NXPH2: variants seen among roughly 807,000 people sequenced by gnomAD.
NXPH2 encodes the protein neurexophilin-2.
NXPH2 carries 5 observed loss-of-function variants against 19.8 expected under a neutral mutation model. The observed-to-expected ratio is 0.25, with a 90% CI of 0.13 to 0.53. The LOEUF is 0.53. NXPH2 is among the 20% of genes least tolerant of loss of function. NXPH2 has a pLI of 0.96. For synonymous variants in NXPH2, 154 were observed against 127.4 expected, an observed-to-expected ratio of 1.21 and a Z score of -1.41; for missense variants, 289 against 322.8, an observed-to-expected ratio of 0.90 and a Z score of 0.80.
chr2:138,753,231 T>C (rs1301292755), intron 1 of NXPH2, among the ~76,000 whole-genome samples: 1 of 152,206 alleles, frequency 6.6e-6, no homozygotes. Context: ...GGTTATAATC[T>C]AATGTTAATT....
At chr2:138,692,855 CT>C (rs1178063768) in intron 1 of NXPH2, among the ~76,000 whole-genome samples, 1 of 152,182 alleles carries the variant, frequency 6.6e-6, no homozygotes, top group African/African-American at 2.4e-5. Context: ...CAATTCATCA[CT>C]AATTCTTATA....
At chr2:138,724,238 G>A (rs1681322845) in intron 1 of NXPH2, among the ~76,000 whole-genome samples, 1 of 152,184 alleles carries the variant, frequency 6.6e-6, no homozygotes, top group Non-Finnish European at 1.5e-5. Context: ...CCATGTCCAT[G>A]CAAAGGCATG....
intron 1 of NXPH2, among the ~76,000 whole-genome samples, chr2:138,714,261 G>C (rs887669438): frequency 2.0e-5 from 3 of 152,128 alleles, no homozygotes; most frequent in African/African-American, 7.2e-5. Flanking sequence ...CTCAGCATAA[G>C]ATCCCTACAA....
At chr2:138,771,680 C>T (rs1305951696) in intron 1 of NXPH2, among the ~76,000 whole-genome samples, 1 of 152,140 alleles carries the variant, frequency 6.6e-6, no homozygotes, top group African/African-American at 2.4e-5. Flanking sequence ...TAGCTTCAGC[C>T]TGCTCCTGCA....
intron 1 of NXPH2, among the ~76,000 whole-genome samples, chr2:138,727,656 C>CG (rs1465946958): frequency 3.5e-5 from 4 of 113,026 alleles, no homozygotes; most frequent in South Asian, 2.8e-4. Context: ...TTTATCGGTG[C>CG]GGGGGGCGGT....
At chr2:138,717,501 T>C (rs1053989614) in intron 1 of NXPH2, among the ~76,000 whole-genome samples, 4 of 151,626 alleles carry the variant, frequency 2.6e-5, no homozygotes, top group South Asian at 4.2e-4. Flanking sequence ...CTTCTTGCTC[T>C]ATCCTCACAT....
At chr2:138,757,272 G>A (rs1681924748) in intron 1 of NXPH2, among the ~76,000 whole-genome samples, 1 of 152,172 alleles carries the variant, frequency 6.6e-6, no homozygotes, top group South Asian at 2.1e-4. Context: ...TCTATGCTGG[G>A]TTAGATGGGC....
chr2:138,691,997 G>A (rs145177254), intron 1 of NXPH2, among the ~76,000 whole-genome samples: 228 of 152,302 alleles, frequency 1.5e-3, no homozygotes, highest in African/African-American at 5.1e-3. Flanking sequence ...AATATAGAGG[G>A]TGTGTGTAAC....
At chr2:138,707,445 G>C (rs1332951786) in intron 1 of NXPH2, among the ~76,000 whole-genome samples, 1 of 152,000 alleles carries the variant, frequency 6.6e-6, no homozygotes, top group African/African-American at 2.4e-5. Context: ...GGCCTGATCT[G>C]GGGGGGAGAA....
intron 1 of NXPH2, among the ~76,000 whole-genome samples, chr2:138,703,553 G>A (rs1269152063): frequency 1.3e-5 from 2 of 152,132 alleles, no homozygotes; most frequent in African/African-American, 4.8e-5. Context: ...GGAGAGGTTC[G>A]CATATTACTA....
chr2:138,756,301 G>A (rs1274276460), intron 1 of NXPH2, among the ~76,000 whole-genome samples: 1 of 152,000 alleles, frequency 6.6e-6, no homozygotes, highest in African/African-American at 2.4e-5. Flanking sequence ...GCCAAGATAT[G>A]TTTCCCTCAG....
chr2:138,773,504 C>G (rs962604320), intron 1 of NXPH2, among the ~76,000 whole-genome samples: 1 of 152,110 alleles, frequency 6.6e-6, no homozygotes, highest in Admixed American at 6.5e-5. Context: ...CTTTCAGTAG[C>G]TGTCTACACA....
chr2:138,765,803 T>A (rs1196992739), intron 1 of NXPH2, among the ~76,000 whole-genome samples: 1 of 152,228 alleles, frequency 6.6e-6, no homozygotes, highest in African/African-American at 2.4e-5. Context: ...CCTACTATAT[T>A]TTAATTGTAA....
chr2:138,696,114 G>A (rs1680825702), intron 1 of NXPH2, among the ~76,000 whole-genome samples: 1 of 152,144 alleles, frequency 6.6e-6, no homozygotes, highest in African/African-American at 2.4e-5. Flanking sequence ...AGTGTTGAAG[G>A]TTGGGAAAGT....
chr2:138,694,245 G>A (rs539439023), intron 1 of NXPH2, among the ~76,000 whole-genome samples: 43 of 152,194 alleles, frequency 2.8e-4, no homozygotes, highest in African/African-American at 9.6e-4. Flanking sequence ...AGGAACTGTT[G>A]TTTACACAAA....
At chr2:138,686,141 T>C (rs1490331470) in intron 1 of NXPH2, among the ~76,000 whole-genome samples, 1 of 152,188 alleles carries the variant, frequency 6.6e-6, no homozygotes, top group Admixed American at 6.5e-5. Context: ...AATAAAGCAG[T>C]CAACCAGGAA....
intron 1 of NXPH2, among the ~76,000 whole-genome samples, chr2:138,711,060 C>T (rs1308229582): frequency 6.6e-6 from 1 of 151,446 alleles, no homozygotes; most frequent in African/African-American, 2.4e-5. Context: ...TATCGCTGCA[C>T]CATTCTATTT....
intron 1 of NXPH2, among the ~76,000 whole-genome samples, chr2:138,725,857 TATC>T (rs1462891885): frequency 6.6e-6 from 1 of 152,226 alleles, no homozygotes; most frequent in Non-Finnish European, 1.5e-5. Flanking sequence ...TAAGAAGTAT[TATC>T]ATTGTTCCAG....
At chr2:138,712,915 A>G (rs1427860411) in intron 1 of NXPH2, among the ~76,000 whole-genome samples, 1 of 152,242 alleles carries the variant, frequency 6.6e-6, no homozygotes, top group Non-Finnish European at 1.5e-5. Context: ...GGGCTGTATT[A>G]GTAAATACTT....
Sources: allele counts gnomAD v4.1 joint callset (sites outside exome capture counted in the v4.1 genomes callset), GRCh38; gene constraint gnomAD v4.1.1; transcripts MANE v1.5; gene names NCBI Gene and HGNC (gene_info 2026-07-23, HGNC 2026-07-21).